Variants in GRIK1 observed in about 807,000 individuals in gnomAD.
GRIK1 encodes the protein glutamate ionotropic receptor kainate type subunit 1.
GRIK1 carries 69 observed loss-of-function variants against 105.7 expected under a neutral mutation model. The observed-to-expected ratio is 0.65, with a 90% CI of 0.54 to 0.80. The LOEUF (loss-of-function observed/expected upper bound fraction) is 0.80. Among genes scored for constraint, GRIK1 ranks in the 30% least tolerant of loss-of-function variants. The probability of loss-of-function intolerance (pLI) is 0.00; values close to 1 mark genes in which losing one functional copy is unlikely to be tolerated. For missense variants in GRIK1, 1,109 were observed against 1,167.3 expected (o/e 0.95, Z 0.73); for synonymous variants, 438 against 431.3 (o/e 1.02, Z -0.19).
intron 1 of GRIK1, among the ~76,000 whole-genome samples, chr21:29,898,880 G>A (rs2070279065): frequency 6.6e-6 from 1 of 151,910 alleles, no homozygotes; most frequent in Non-Finnish European, 1.5e-5. Flanking sequence ...GCTAAGGCAG[G>A]AGAATCGCTT....
At chr21:29,879,224 T>C (rs956564855) in intron 1 of GRIK1, among the ~76,000 whole-genome samples, 1 of 152,112 alleles carries the variant, frequency 6.6e-6, no homozygotes, top group Non-Finnish European at 1.5e-5. Context: ...GGGGAAGCTA[T>C]TAGAAATTTC....
At chr21:29,919,855 T>G (rs181610788) in intron 1 of GRIK1, among the ~76,000 whole-genome samples, 5 of 152,310 alleles carry the variant, frequency 3.3e-5, no homozygotes, top group African/African-American at 1.2e-4. Context: ...ATTTTAAAAA[T>G]TGATATTAAA....
At chr21:29,597,215 T>C (rs2061432021) in intron 8 of GRIK1, among the ~76,000 whole-genome samples, 1 of 152,232 alleles carries the variant, frequency 6.6e-6, no homozygotes, top group South Asian at 2.1e-4. Flanking sequence ...TCTCAGGAAT[T>C]GAGCCCAAGA....
intron 7 of GRIK1, chr21:29,601,186 A>C (rs1389022321): frequency 2.0e-6 from 1 of 500,000 alleles, no homozygotes; most frequent in African/African-American, 1.9e-5. Flanking sequence ...GAAAAGAACA[A>C]AAAGGCAGAG....
intron 1 of GRIK1, among the ~76,000 whole-genome samples, chr21:29,738,236 A>T (rs1466979037): frequency 2.0e-5 from 3 of 152,188 alleles, no homozygotes; most frequent in Non-Finnish European, 4.4e-5. Flanking sequence ...CTCCCACTTT[A>T]TCTGTTTGTG....
At chr21:29,892,884 T>TTAAACAGTAA (rs371777737) in intron 1 of GRIK1, among the ~76,000 whole-genome samples, 62 of 152,314 alleles carry the variant, frequency 4.1e-4, no homozygotes, top group African/African-American at 1.4e-3. Context: ...CTGAGGGAAT[T>TTAAACAGTAA]TAAATTTGGC....
At chr21:29,594,870 C>T (rs1201094738) in intron 9 of GRIK1, among the ~76,000 whole-genome samples, 1 of 152,134 alleles carries the variant, frequency 6.6e-6, no homozygotes, top group Non-Finnish European at 1.5e-5. Flanking sequence ...AAGATTGCTA[C>T]CTTCCTCTTT....
At chr21:29,702,624 T>C (rs1459662603) in intron 1 of GRIK1, among the ~76,000 whole-genome samples, 1 of 152,092 alleles carries the variant, frequency 6.6e-6, no homozygotes, top group African/African-American at 2.4e-5. Flanking sequence ...GGCAGGAGAA[T>C]CGCTTGAACT....
intron 1 of GRIK1, among the ~76,000 whole-genome samples, chr21:29,807,353 T>A (rs956963359): frequency 3.9e-5 from 6 of 152,212 alleles, no homozygotes; most frequent in Admixed American, 2.6e-4. Flanking sequence ...TTGGTCTGAT[T>A]CTTGTGTCCT....
At chr21:29,572,601 C>T (rs962476717) in intron 14 of GRIK1, among the ~76,000 whole-genome samples, 4 of 152,104 alleles carry the variant, frequency 2.6e-5, no homozygotes, top group Non-Finnish European at 4.4e-5. Context: ...CAAAGAAGAC[C>T]GAGTTTCTAC....
chr21:29,852,066 CT>C (rs1427601803), intron 1 of GRIK1, among the ~76,000 whole-genome samples: 3 of 152,126 alleles, frequency 2.0e-5, no homozygotes, highest in Admixed American at 2.0e-4. Flanking sequence ...TCTCACATTT[CT>C]TCCCACCCCT....
At chr21:29,594,309 C>A (rs1277239320) in intron 9 of GRIK1, among the ~76,000 whole-genome samples, 1 of 152,278 alleles carries the variant, frequency 6.6e-6, no homozygotes, top group Non-Finnish European at 1.5e-5. Context: ...ATGAATGTCT[C>A]CCTTTAAAGA....
In GRIK1 at chr21:29,642,894, T is replaced by C; in HGVS notation, c.1030A>G (p.Ser344Gly). 6.2e-7 allele frequency: 1 copy of C among 1,614,058 alleles called. No individual in the cohort carries two copies. The highest frequency in any genetic ancestry group is 8.5e-7 in the Non-Finnish European group (1 of 1,179,902). ...TTATGTCTATGGCACTGCAGGGAGCTGACGGTCAGCTGGGATGCCCGGTGC... is the reference window on the plus strand; with the variant it reads ...TTATGTCTATGGCACTGCAGGGAGCCGACGGTCAGCTGGGATGCCCGGTGC... ...ASHRASQLTV[S>G]SLQCHRHKPW... Residue 344 changes from serine (S) to glycine (G), a missense_variant, in exon 7 of 18, where the codon AGC (serine) becomes GGC (glycine). Physicochemically the swap from Ser to Gly is moderately conservative, Grantham distance 56 (BLOSUM62 0). Around this residue, in one of 5 missense-constraint regions of GRIK1, gnomAD observed 612 missense variants for 586.0 expected, o/e 1.04. Coordinates refer to ENST00000327783, the MANE Select transcript of GRIK1 (RefSeq NM_001330994.2).
chr21:29,743,950 A>T (rs1454666062), intron 1 of GRIK1, among the ~76,000 whole-genome samples: 1 of 152,156 alleles, frequency 6.6e-6, no homozygotes, highest in East Asian at 1.9e-4. Flanking sequence ...GGTAGAAGGG[A>T]GAAGATCAAG....
intron 1 of GRIK1, among the ~76,000 whole-genome samples, chr21:29,754,241 A>C (rs1281298546): frequency 6.6e-6 from 1 of 152,186 alleles, no homozygotes; most frequent in African/African-American, 2.4e-5. Context: ...AAACAGAAAA[A>C]TAAATAAATA....
intron 1 of GRIK1, among the ~76,000 whole-genome samples, chr21:29,923,675 C>A (rs1015332894): frequency 2.0e-5 from 3 of 152,132 alleles, no homozygotes; most frequent in Admixed American, 6.6e-5. Context: ...ACATCTTAAG[C>A]CCATGGTAGT....
At chr21:29,765,748 A>G (rs1414739929) in intron 1 of GRIK1, among the ~76,000 whole-genome samples, 1 of 152,164 alleles carries the variant, frequency 6.6e-6, no homozygotes, top group Non-Finnish European at 1.5e-5. Context: ...TATATTGTCC[A>G]CCTGCATGTT....
chr21:29,786,352 G>A (rs942693236), intron 1 of GRIK1, among the ~76,000 whole-genome samples: 13 of 152,152 alleles, frequency 8.5e-5, no homozygotes, highest in Admixed American at 6.5e-4. Context: ...CAAGATTAAT[G>A]TCATCTCAAG....
At chr21:29,734,177 C>T (rs1183778344) in intron 1 of GRIK1, among the ~76,000 whole-genome samples, 2 of 151,956 alleles carry the variant, frequency 1.3e-5, no homozygotes, top group Admixed American at 1.3e-4. Context: ...AAAAATGCCC[C>T]ACTTCCAAGC....
Sources: allele counts gnomAD v4.1 joint callset (sites outside exome capture counted in the v4.1 genomes callset), GRCh38; gene constraint gnomAD v4.1.1; regional missense constraint gnomAD v4.1.1; transcripts MANE v1.5; gene names NCBI Gene and HGNC (gene_info 2026-07-23, HGNC 2026-07-21).